MAGI1: variants seen among roughly 807,000 people sequenced by gnomAD.
MAGI1 encodes the protein membrane associated guanylate kinase, WW and PDZ domain containing 1.
A neutral mutation model predicts 139.9 loss-of-function variants in MAGI1; 58 were observed. The ratio of observed to expected loss-of-function variants is 0.41; its 90% CI spans 0.34 to 0.52. The LOEUF is 0.52. MAGI1 is among the 20% of genes least tolerant of loss of function. The pLI, the probability that MAGI1 is intolerant of heterozygous loss-of-function variation, is 0.12. For missense variants in MAGI1, 1,874 were observed against 1,901.6 expected, an observed-to-expected ratio of 0.99 and a Z score of 0.27; for synonymous variants, 812 against 737.9, an observed-to-expected ratio of 1.10 and a Z score of -1.63.
intron 1 of MAGI1, among the ~76,000 whole-genome samples, chr3:65,838,389 G>C (rs1272206376): frequency 1.3e-5 from 2 of 152,110 alleles, no homozygotes; most frequent in African/African-American, 4.8e-5. Context: ...TACTCCTTTA[G>C]TGCATACACA....
At chr3:65,376,688 C>T (rs1021049999) in intron 17 of MAGI1, among the ~76,000 whole-genome samples, 3 of 152,162 alleles carry the variant, frequency 2.0e-5, no homozygotes, top group African/African-American at 7.2e-5. Context: ...AATCATTCTG[C>T]TGCCTCACAA....
intron 1 of MAGI1, among the ~76,000 whole-genome samples, chr3:65,685,951 C>T (rs552475342): frequency 2.0e-5 from 3 of 152,338 alleles, no homozygotes. Context: ...CTCCACTTAA[C>T]ACCCTCTCGC....
chr3:65,737,562 G>A (rs2034877365), intron 1 of MAGI1, among the ~76,000 whole-genome samples: 1 of 152,188 alleles, frequency 6.6e-6, no homozygotes, highest in Non-Finnish European at 1.5e-5. Flanking sequence ...TACAGGAAAG[G>A]AGAGAGCATT....
chr3:65,581,951 A>G (rs1306073107), intron 2 of MAGI1, among the ~76,000 whole-genome samples: 1 of 152,308 alleles, frequency 6.6e-6, no homozygotes, highest in South Asian at 2.1e-4. Context: ...TGTTTGATAA[A>G]TATCTTTTGA....
rs114361626 is a variant in MAGI1, at chr3:65,619,140, C to G, written c.430+2832G>C. 3.4e-3 allele frequency among the ~76,000 whole-genome samples: 511 copies of G among 152,292 alleles called. 2 individuals are homozygous for G. The highest frequency in any genetic ancestry group is 0.011 in the African/African-American group (467 of 41,568). On this transcript the variant is annotated intron_variant, in intron 2 of 22. Coordinates refer to ENST00000402939, the MANE Select transcript of MAGI1 (RefSeq NM_001033057.2). The stretch of plus-strand genomic sequence containing the variant: ...GTATGGTATGTGAATTATATTTCAA[C>G]AACGCCGTTACAAATTTTAAAAAGT...
At chr3:65,838,640 G>A (rs2058707878) in intron 1 of MAGI1, among the ~76,000 whole-genome samples, 1 of 152,186 alleles carries the variant, frequency 6.6e-6, no homozygotes, top group African/African-American at 2.4e-5. Flanking sequence ...TTCAGCTGTT[G>A]TAGCACACTT....
intron 1 of MAGI1, among the ~76,000 whole-genome samples, chr3:65,888,779 C>T (rs552588414): frequency 6.6e-6 from 1 of 152,154 alleles, no homozygotes; most frequent in South Asian, 2.1e-4. Context: ...TGCCCAAGAC[C>T]TTCCAATTCA....
At chr3:65,942,369 A>G (rs1451741576) in intron 1 of MAGI1, among the ~76,000 whole-genome samples, 1 of 152,184 alleles carries the variant, frequency 6.6e-6, no homozygotes, top group Non-Finnish European at 1.5e-5. Flanking sequence ...AAGACGTTTT[A>G]TCTGTGCTCT....
chr3:65,470,311 T>A lies in MAGI1; in HGVS notation c.931A>T (p.Thr311Ser), dbSNP rs370045288. 18 of 1,612,322 alleles carry A rather than the reference T, an allele frequency of 1.1e-5. No homozygotes were observed. Among genetic ancestry groups the A allele is most frequent in the Non-Finnish European group, 1.4e-5 (17 of 1,178,568 alleles). ...ATAAAATAGACTTCTCCATTTTCAG[T>A]ATAGGCCATCTCCCAGTTTTCAGGT... is the stretch of plus-strand genomic sequence containing the variant. ...PLPENWEMAY[T>S]ENGEVYFIDH... The change falls in exon 5 of 23, where the codon ACT becomes TCT. Residue 311 changes from threonine to serine, a missense_variant. Thr to Ser is a moderately conservative substitution (Grantham distance 58). Around this residue, in one of 5 missense-constraint regions of MAGI1, gnomAD observed 648 missense variants for 598.1 expected, o/e 1.08. Transcript: ENST00000402939.
At chr3:65,503,034 T>C (rs2077144702) in intron 2 of MAGI1, among the ~76,000 whole-genome samples, 1 of 152,102 alleles carries the variant, frequency 6.6e-6, no homozygotes, top group African/African-American at 2.4e-5. Flanking sequence ...CTCAAATTGT[T>C]AGTGTCACTA....
chr3:65,608,886 ACAAT>A (rs1250692261), intron 2 of MAGI1, among the ~76,000 whole-genome samples: 4 of 152,244 alleles, frequency 2.6e-5, no homozygotes, highest in Non-Finnish European at 4.4e-5. Context: ...GTATATTCAT[ACAAT>A]CAAAGACTAC....
chr3:65,904,686 C>G (rs1027059554), intron 1 of MAGI1, among the ~76,000 whole-genome samples: 1 of 152,252 alleles, frequency 6.6e-6, no homozygotes, highest in Non-Finnish European at 1.5e-5. Flanking sequence ...AGACAGATCA[C>G]CTACCCACCA....
In MAGI1 at chr3:65,698,620, T is replaced by A. The variant is rs994517563; in HGVS notation, c.314-76532A>T. Among the ~76,000 whole-genome samples the A allele has an allele frequency of 5.9e-5, 9 of 152,210 alleles. No homozygotes were observed. The East Asian group carries it at 1.7e-3, about 29-fold the overall frequency. On this transcript the variant is annotated intron_variant, in intron 1 of 22. Transcript: ENST00000402939. ...TGACAAACCTGAGAAAAACAAGCAA[T>A]TGGGAAAGGATTCCCTATTTAATAA...
intron 17 of MAGI1, 40 bp downstream of exon 17, chr3:65,379,221 A>G (rs370042311): frequency 4.7e-5 from 76 of 1,607,460 alleles, no homozygotes; most frequent in Non-Finnish European, 5.9e-5. Context: ...ACTCCCAGGC[A>G]TGGTGGGAAA....
chr3:65,945,122 C>G (rs2063492740), intron 1 of MAGI1, among the ~76,000 whole-genome samples: 1 of 152,122 alleles, frequency 6.6e-6, no homozygotes, highest in Non-Finnish European at 1.5e-5. Flanking sequence ...TGGGGAAGCC[C>G]TTTTTAAAAT....
intron 5 of MAGI1, among the ~76,000 whole-genome samples, chr3:65,457,590 T>C (rs935015493): frequency 1.3e-5 from 2 of 152,176 alleles, no homozygotes; most frequent in South Asian, 2.1e-4. Flanking sequence ...CCTTAAATTA[T>C]ATTTTATTTT....
intron 14 of MAGI1, chr3:65,387,216 A>G: frequency 6.2e-7 from 1 of 1,613,660 alleles, no homozygotes; most frequent in Non-Finnish European, 8.5e-7. Flanking sequence ...ACGCAGGTGA[A>G]GGTGACATAG....
At chr3:65,957,291 A>G (rs1388584570) in intron 1 of MAGI1, among the ~76,000 whole-genome samples, 1 of 149,254 alleles carries the variant, frequency 6.7e-6, no homozygotes, top group African/African-American at 2.5e-5. Flanking sequence ...CGATGGGTAG[A>G]TCACTTGAGG....
chr3:65,402,833 C>T (rs1245876795), intron 12 of MAGI1, among the ~76,000 whole-genome samples: 1 of 152,088 alleles, frequency 6.6e-6, no homozygotes, highest in Non-Finnish European at 1.5e-5. Context: ...CACTCTCTGG[C>T]AAGGTTCCTT....
Sources: gnomAD v4.1 joint callset for allele counts (sites outside exome capture counted in the v4.1 genomes callset) on GRCh38, gnomAD v4.1.1 for gene constraint, gnomAD v4.1.1 regional missense constraint, MANE v1.5 for transcripts, NCBI Gene and HGNC (gene_info 2026-07-23, HGNC 2026-07-21) for gene names.